Variants in SLC35E4 observed in about 807,000 individuals in gnomAD.
SLC35E4 encodes the protein solute carrier family 35, member E4.
In SLC35E4, 15 loss-of-function variants were observed where a neutral mutation model predicts 19.3. That is an observed-to-expected ratio of 0.78 (90% CI 0.52 to 1.20). The LOEUF is 1.20. Among genes scored for constraint, SLC35E4 ranks in the 50% most tolerant of loss-of-function variants. SLC35E4 has a pLI of 0.00. For synonymous variants in SLC35E4, 219 were observed against 219.9 expected (o/e 1.00, Z 0.04); for missense variants, 406 against 472.3 (o/e 0.86, Z 1.30).
In SLC35E4 at chr22:30,647,844, G is replaced by GC; in HGVS notation, c.*819dup. 1 of 152,440 alleles carries GC rather than the reference G, an allele frequency of 6.6e-6. No individual in the cohort carries two copies. Among genetic ancestry groups the GC allele is most frequent in the Non-Finnish European group, 1.5e-5 (1 of 68,216 alleles). The allele number at this position is 152,440 out of a possible 1,614,324, so 9.4% of individuals were successfully genotyped here. ...GCAGCTGCTGTGGCCTCACCCCTGG[G>GC]CCCCCCAATTTTGGGTCATCCATCC... On this transcript the variant is annotated 3_prime_UTR_variant, in exon 2 of 2. Coordinates refer to ENST00000343605, the MANE Select transcript of SLC35E4 (RefSeq NM_001001479.4).
intron 1 of SLC35E4, 131 bp from the exon 2 acceptor site, chr22:30,646,467 A>G: frequency 9.4e-7 from 1 of 1,062,616 alleles, no homozygotes; most frequent in Non-Finnish European, 1.4e-6. Context: ...GTCATGTTTC[A>G]GATCAGGAGC....
intron 1 of SLC35E4, among the ~76,000 whole-genome samples, chr22:30,645,382 G>A (rs145748903): frequency 0.017 from 2,640 of 152,210 alleles, 37 homozygotes; most frequent in Non-Finnish European, 0.02. Flanking sequence ...ATCACCTGAG[G>A]TCAGGAGTTC....
downstream of SLC35E4, among the ~76,000 whole-genome samples, chr22:30,651,122 C>T (rs1477272885): frequency 6.6e-6 from 1 of 151,852 alleles, no homozygotes; most frequent in East Asian, 1.9e-4. Flanking sequence ...AAATAACTTC[C>T]TGGAAGTAGC....
In SLC35E4 at chr22:30,640,959, C is replaced by A. The variant is rs560133079; in HGVS notation, c.619+3890C>A. The stretch of plus-strand genomic sequence containing the variant: ...CCTGCCCTGGCGTATTCAGAGCTGA[C>A]ACAGAGGCCCTATCTCTATCCTCCC... On this transcript the variant is annotated intron_variant, in intron 1 of 1. Transcript: ENST00000343605. Among the ~76,000 whole-genome samples the A allele has an allele frequency of 3.9e-5, 6 of 152,318 alleles. No individual in the cohort carries two copies. In the South Asian group the frequency reaches 1.2e-3, roughly 32 times the overall value.
In SLC35E4 at chr22:30,636,350, T is replaced by C; in HGVS notation, c.-101T>C. 2 of 1,407,818 alleles carry C rather than the reference T, an allele frequency of 1.4e-6. No homozygotes were observed. Among genetic ancestry groups the C allele is most frequent in the Non-Finnish European group, 1.9e-6 (2 of 1,075,898 alleles). The allele number at this position is 1,407,818 out of a possible 1,614,324, so 87.2% of individuals were successfully genotyped here. A position where few individuals can be genotyped will look rare whatever the true frequency, so the allele number is the denominator to read the frequency against. On this transcript the variant is annotated 5_prime_UTR_variant, in exon 1 of 2. Transcript: ENST00000343605. ...CACCTGTCTGAAACGGGACACGGGG[T>C]CGGAGGAACCAGGATCTAGCCTGGC...
chr22:30,646,175 T>C (rs778702937), intron 1 of SLC35E4, among the ~76,000 whole-genome samples: 6 of 152,238 alleles, frequency 3.9e-5, no homozygotes, highest in Non-Finnish European at 7.3e-5. Flanking sequence ...AAGCATATCA[T>C]TGTTTCAGCT....
downstream of SLC35E4, chr22:30,667,672 CCT>C (rs965812561): frequency 6.5e-6 from 1 of 152,988 alleles, no homozygotes; most frequent in African/African-American, 2.4e-5. Flanking sequence ...GCTCCACGCC[CCT>C]GAGCAGCCCC....
chr22:30,666,464 A>T (rs938224825), downstream of SLC35E4, among the ~76,000 whole-genome samples: 3 of 152,084 alleles, frequency 2.0e-5, no homozygotes, highest in Non-Finnish European at 2.9e-5. Flanking sequence ...TCTACTAAAA[A>T]TACAAAAATT....
chr22:30,663,772 G>A (rs199672327), downstream of SLC35E4: 662 of 1,614,098 alleles, frequency 4.1e-4, no homozygotes, highest in Non-Finnish European at 5.4e-4. Context: ...TCACAGAGAC[G>A]TGAGTTAGGG....
At chr22:30,650,704 T>C (rs1254812772), downstream of SLC35E4, among the ~76,000 whole-genome samples, 7 of 152,122 alleles carry the variant, frequency 4.6e-5, no homozygotes, top group Non-Finnish European at 1.5e-5. Context: ...CTCAGTCTTA[T>C]CACAGATGCT....
intron 2 of SLC35E4, among the ~76,000 whole-genome samples, chr22:30,657,760 C>T (rs1263307213): frequency 6.0e-5 from 9 of 151,088 alleles, no homozygotes; most frequent in Non-Finnish European, 1.2e-4. Flanking sequence ...AAAAATTAGC[C>T]GGGTGTGGTG....
At chr22:30,642,634 G>A (rs1194599854) in intron 1 of SLC35E4, among the ~76,000 whole-genome samples, 1 of 151,632 alleles carries the variant, frequency 6.6e-6, no homozygotes, top group South Asian at 2.1e-4. Context: ...CCAGCTACTC[G>A]GGAGGCTGAG....
At chr22:30,637,241 C>T (rs1248719516) in intron 1 of SLC35E4, among the ~76,000 whole-genome samples, 172 bp downstream of exon 1, 1 of 152,162 alleles carries the variant, frequency 6.6e-6, no homozygotes, top group African/African-American at 2.4e-5. Flanking sequence ...TCAGTGAGTT[C>T]CAGGCCCCAG....
rs8136373 is a variant in SLC35E4 at position 30,636,894 on chromosome 22, G to A, written c.444G>A (p.Leu148=). The A allele has an allele frequency of 0.033, 53,765 of 1,612,186 alleles. 3,576 individuals are homozygous for A. Among genetic ancestry groups the A allele is most frequent in the African/African-American group, 0.29 (21,440 of 74,992 alleles). ...LVTTTTPLFT[L]ALSALLLGRR... ...CTACCACCACACCTCTGTTCACCCT[G>A]GCCCTGTCGGCGCTGCTGCTGGGCC... Residue 148 remains leucine, a synonymous_variant, in exon 1 of 2, where the codon CTG becomes CTA. Coordinates refer to ENST00000343605, the MANE Select transcript of SLC35E4 (RefSeq NM_001001479.4).
intron 2 of SLC35E4, chr22:30,654,521 G>A: frequency 2.3e-6 from 1 of 429,520 alleles, no homozygotes; most frequent in Non-Finnish European, 4.6e-6. Flanking sequence ...GTCTTGGGCG[G>A]CCTGGCTTCC....
At chr22:30,651,892 C>T (rs2088229044), downstream of SLC35E4, among the ~76,000 whole-genome samples, 1 of 152,126 alleles carries the variant, frequency 6.6e-6, no homozygotes, top group Admixed American at 6.5e-5. Context: ...AAGTTGTAGT[C>T]AAGATGTTGG....
chr22:30,666,516 G>GGA (rs763953860), downstream of SLC35E4, among the ~76,000 whole-genome samples: 10 of 151,294 alleles, frequency 6.6e-5, no homozygotes, highest in Non-Finnish European at 1.5e-4. Context: ...CAGCTACTCA[G>GGA]GAGGCTGAGA....
At chr22:30,643,272 T>G (rs2088076463) in intron 1 of SLC35E4, among the ~76,000 whole-genome samples, 1 of 152,148 alleles carries the variant, frequency 6.6e-6, no homozygotes, top group South Asian at 2.1e-4. Context: ...CCCTCTGAGC[T>G]CTCAGGCTGA....
chr22:30,641,836 A>T (rs2088046182), intron 1 of SLC35E4, among the ~76,000 whole-genome samples: 1 of 148,244 alleles, frequency 6.7e-6, no homozygotes, highest in South Asian at 2.1e-4. Context: ...CTGGAATTAC[A>T]GGTGTGAGCC....
Sources: allele counts gnomAD v4.1 joint callset (sites outside exome capture counted in the v4.1 genomes callset), GRCh38; gene constraint gnomAD v4.1.1; transcripts MANE v1.5; gene names NCBI Gene and HGNC (gene_info 2026-07-23, HGNC 2026-07-21).